Variants in PLCG2 observed in about 807,000 individuals in gnomAD.
PLCG2 encodes 1-phosphatidylinositol 4,5-bisphosphate phosphodiesterase gamma-2.
Under a neutral mutation model 175.6 loss-of-function variants are expected in PLCG2, and 69 were observed. That is an observed-to-expected ratio of 0.39 (90% CI 0.32 to 0.48). The LOEUF is 0.48. Ranked by LOEUF, PLCG2 falls within the 20% of genes least tolerant of loss-of-function variation. The pLI is 0.91. For synonymous variants in PLCG2, 827 were observed against 624.0 expected (o/e 1.33, Z -4.85); for missense variants, 1,798 against 1,650.9 (o/e 1.09, Z -1.54).
intron 2 of PLCG2, among the ~76,000 whole-genome samples, chr16:81,788,454 G>C (rs1911082188): frequency 6.6e-6 from 1 of 152,096 alleles, no homozygotes; most frequent in African/African-American, 2.4e-5. Context: ...CTAATTTTTT[G>C]TATTTTTAGT....
chr16:81,803,800 G>T (rs1363331453), intron 2 of PLCG2, among the ~76,000 whole-genome samples: 3 of 152,010 alleles, frequency 2.0e-5, no homozygotes, highest in African/African-American at 7.3e-5. Flanking sequence ...TCGTGCCTCA[G>T]CCTCCTGAGT....
chr16:81,928,734 C>G (rs1910381842), intron 24 of PLCG2, 110 bp downstream of exon 24: 2 of 729,820 alleles, frequency 2.7e-6, no homozygotes, highest in South Asian at 3.0e-5. Flanking sequence ...GTCTTGAATG[C>G]CAGCTCCTTC....
intron 5 of PLCG2, among the ~76,000 whole-genome samples, chr16:81,867,506 A>T (rs925784254): frequency 1.3e-5 from 2 of 152,178 alleles, no homozygotes; most frequent in African/African-American, 4.8e-5. Context: ...CCTCACCTGG[A>T]AGATGGAGAT....
intron 29 of PLCG2, among the ~76,000 whole-genome samples, 196 bp downstream of exon 29, chr16:81,939,111 A>G (rs1181273398): frequency 6.6e-6 from 1 of 152,070 alleles, no homozygotes; most frequent in African/African-American, 2.4e-5. Flanking sequence ...GACTTTCCCC[A>G]GTGCTGTTTG....
intron 2 of PLCG2, among the ~76,000 whole-genome samples, chr16:81,759,768 C>A (rs1375748360): frequency 6.6e-6 from 1 of 152,246 alleles, no homozygotes; most frequent in Admixed American, 6.5e-5. Flanking sequence ...ACCCATTGCA[C>A]TGAGCACTTG....
chr16:81,912,741 T>C, intron 19 of PLCG2, 25 bp downstream of exon 19: 1 of 1,575,488 alleles, frequency 6.3e-7, no homozygotes, highest in Non-Finnish European at 8.6e-7. Flanking sequence ...GGGAGGCACA[T>C]GCTCTACAGA....
chr16:81,796,134 TG>T (rs1189825915), intron 2 of PLCG2, among the ~76,000 whole-genome samples: 1 of 152,152 alleles, frequency 6.6e-6, no homozygotes, highest in African/African-American at 2.4e-5. Context: ...GAAAGGGAAG[TG>T]GTGAGCCACT....
At chr16:81,808,526 C>T (rs932254512) in intron 2 of PLCG2, among the ~76,000 whole-genome samples, 1 of 152,066 alleles carries the variant, frequency 6.6e-6, no homozygotes, top group African/African-American at 2.4e-5. Flanking sequence ...TGGAGTCTCC[C>T]TCTGTCGCCC....
In PLCG2 at chr16:81,889,202, C is replaced by T. The variant is rs530712899; in HGVS notation, c.796C>T (p.Arg266Cys). The T allele has an allele frequency of 1.1e-5, 17 of 1,604,576 alleles. No homozygotes were observed. Among genetic ancestry groups the T allele is most frequent in the South Asian group, 5.6e-5 (5 of 89,362 alleles). ...EHWAQDLNKV[R>C]ERMTKFIDDT... ...TTGGGCTCAGGATCTGAACAAAGTC[C>T]GTGAGCGGATGACAAAGTTCATTGA... The change falls in exon 10 of 33, where the codon CGT (arginine) becomes TGT (cysteine). Residue 266 changes from arginine (R) to cysteine (C), a missense_variant. Arg to Cys is a radical substitution (Grantham distance 180, BLOSUM62 -3). Transcript: ENST00000564138.
At chr16:81,828,913 C>T (rs191059474) in intron 2 of PLCG2, among the ~76,000 whole-genome samples, 2 of 152,220 alleles carry the variant, frequency 1.3e-5, no homozygotes, top group African/African-American at 4.8e-5. Context: ...CTGTATCTTA[C>T]CAACTGCATT....
chr16:81,947,301 A>G (rs1911189957), intron 31 of PLCG2, among the ~76,000 whole-genome samples: 1 of 152,194 alleles, frequency 6.6e-6, no homozygotes, highest in South Asian at 2.1e-4. Flanking sequence ...TGGAAAGTCG[A>G]CGCTCACAAA....
intron 2 of PLCG2, among the ~76,000 whole-genome samples, chr16:81,790,598 T>A (rs558945216): frequency 3.2e-4 from 49 of 152,212 alleles, no homozygotes; most frequent in African/African-American, 1.1e-3. Context: ...TACTGTGGGG[T>A]CTGCAGGGGC....
rs114194996 is a variant in PLCG2, at chr16:81,883,416, G to A, written c.765+75G>A. On this transcript the variant is annotated intron_variant, in intron 9 of 32. Coordinates refer to ENST00000564138, the MANE Select transcript of PLCG2 (RefSeq NM_002661.5). ...TGGGGACTAGTCTCACCCTTCTGCC[G>A]CCTGTGCTCACCTGGTCACCTGTGC... 5.6e-4 allele frequency: 703 copies of A among 1,245,084 alleles called. 2 individuals carry two copies. The African/African-American group carries it at 9.0e-3, about 16-fold the overall frequency. The allele number at this position is 1,245,084 out of a possible 1,614,324, so 77.1% of individuals were successfully genotyped here.
intron 2 of PLCG2, among the ~76,000 whole-genome samples, chr16:81,809,675 TC>T (rs556344083): frequency 1.1e-3 from 174 of 152,246 alleles, no homozygotes; most frequent in African/African-American, 4.1e-3. Context: ...TTTTCTCTGT[TC>T]CCTGCGGTGT....
chr16:81,932,191 G>T (rs983353292), intron 25 of PLCG2, among the ~76,000 whole-genome samples: 2 of 152,102 alleles, frequency 1.3e-5, no homozygotes, highest in African/African-American at 4.8e-5. Flanking sequence ...AGTGTTTTGG[G>T]AAGGTGTGAG....
At chr16:81,783,016 T>C in intron 1 of PLCG2, 1 of 430,388 alleles carries the variant, frequency 2.3e-6, no homozygotes, top group Non-Finnish European at 4.6e-6. Flanking sequence ...GTTGATCCAC[T>C]GGGCTTCGAA....
At chr16:81,897,156 T>G (rs934997936) in intron 13 of PLCG2, among the ~76,000 whole-genome samples, 7 of 152,198 alleles carry the variant, frequency 4.6e-5, no homozygotes, top group Admixed American at 4.6e-4. Flanking sequence ...GCAGGCCAGA[T>G]TTGGGGCAGA....
intron 2 of PLCG2, among the ~76,000 whole-genome samples, chr16:81,766,453 C>A (rs925883277): frequency 6.6e-6 from 1 of 151,752 alleles, no homozygotes; most frequent in African/African-American, 2.4e-5. Flanking sequence ...TCCAGGCCCT[C>A]ACTTAGCCAG....
At chr16:81,790,477 G>A (rs914531527) in intron 2 of PLCG2, among the ~76,000 whole-genome samples, 2 of 152,194 alleles carry the variant, frequency 1.3e-5, no homozygotes, top group African/African-American at 4.8e-5. Context: ...GGTGGGGACT[G>A]TCAGTGTCAC....
Sources: gnomAD v4.1 joint callset for allele counts (sites outside exome capture counted in the v4.1 genomes callset) on GRCh38, gnomAD v4.1.1 for gene constraint, MANE v1.5 for transcripts, NCBI Gene and HGNC (gene_info 2026-07-23, HGNC 2026-07-21) for gene names.